SLIT2: variants seen among roughly 807,000 people sequenced by gnomAD.
The protein encoded by SLIT2 is slit guidance ligand 2.
Under a neutral mutation model 185.7 loss-of-function variants are expected in SLIT2, and 41 were observed. The ratio of observed to expected loss-of-function variants is 0.22; its 90% CI spans 0.17 to 0.29. The LOEUF (loss-of-function observed/expected upper bound fraction) is 0.29. Ranked by LOEUF, SLIT2 falls within the 10% of genes least tolerant of loss-of-function variation. SLIT2 has a pLI of 1.00. For synonymous variants in SLIT2, 693 were observed against 680.2 expected, an observed-to-expected ratio of 1.02 and a Z score of -0.29; for missense variants, 1,571 against 1,909.0, an observed-to-expected ratio of 0.82 and a Z score of 3.30.
chr4:20,328,727 G>A (rs760867286), intron 4 of SLIT2, among the ~76,000 whole-genome samples: 106 of 152,098 alleles, frequency 7.0e-4, no homozygotes, highest in Non-Finnish European at 7.5e-4. Flanking sequence ...AGTCAAATAA[G>A]GACTCCACAA....
intron 29 of SLIT2, among the ~76,000 whole-genome samples, chr4:20,579,150 A>G (rs543504315): frequency 1.3e-5 from 2 of 152,028 alleles, no homozygotes; most frequent in African/African-American, 4.8e-5. Flanking sequence ...AAAAAAAAAA[A>G]TCAGCTGGGC....
intron 9 of SLIT2, among the ~76,000 whole-genome samples, chr4:20,507,506 T>C (rs990451436): frequency 2.6e-5 from 4 of 151,898 alleles, no homozygotes; most frequent in Non-Finnish European, 1.5e-5. Flanking sequence ...AATACTTACA[T>C]TGGAGAAATT....
chr4:20,364,786 T>G (rs1050787097), intron 4 of SLIT2, among the ~76,000 whole-genome samples: 4 of 150,740 alleles, frequency 2.7e-5, no homozygotes, highest in African/African-American at 9.7e-5. Flanking sequence ...GGAGATAAAT[T>G]AAAGGCACTA....
At chr4:20,421,318 C>T (rs949943771) in intron 4 of SLIT2, among the ~76,000 whole-genome samples, 1 of 152,086 alleles carries the variant, frequency 6.6e-6, no homozygotes, top group African/African-American at 2.4e-5. Context: ...CTTAGAATTC[C>T]CAGGCTTGCC....
chr4:20,260,258 A>G (rs1712307376), intron 3 of SLIT2, among the ~76,000 whole-genome samples: 1 of 151,842 alleles, frequency 6.6e-6, no homozygotes, highest in African/African-American at 2.4e-5. Context: ...AAAAGCTGCA[A>G]GAGACAATGT....
chr4:20,578,018 C>A (rs558297033), intron 29 of SLIT2, among the ~76,000 whole-genome samples: 2 of 152,146 alleles, frequency 1.3e-5, no homozygotes, highest in Non-Finnish European at 2.9e-5. Flanking sequence ...CCATCTCATC[C>A]AGCCTGCAAG....
chr4:20,471,592 T>A (rs1715026630), intron 5 of SLIT2, among the ~76,000 whole-genome samples: 1 of 152,190 alleles, frequency 6.6e-6, no homozygotes. Flanking sequence ...TATAGCACTA[T>A]GTAAAAGCCC....
rs184668601 is a variant in SLIT2, at chr4:20,454,827, T to C, written c.396-12925T>C. Among the ~76,000 whole-genome samples, 21 of 152,294 alleles carry C rather than the reference T, an allele frequency of 1.4e-4. No homozygotes were observed. The East Asian group carries it at 1.9e-3, about 14-fold the overall frequency. On this transcript the variant is annotated intron_variant, in intron 4 of 36. Coordinates refer to ENST00000504154, the MANE Select transcript of SLIT2 (RefSeq NM_004787.4). ...GGGATACTCAACTGGAAACCATACG[T>C]CGTGGGCAATAAAATAGCAGCATTG... is the stretch of plus-strand genomic sequence containing the variant.
At chr4:20,388,515 T>G (rs1434915924) in intron 4 of SLIT2, among the ~76,000 whole-genome samples, 1 of 152,066 alleles carries the variant, frequency 6.6e-6, no homozygotes, top group Non-Finnish European at 1.5e-5. Context: ...GGCTCATGCC[T>G]GTAATCCCAG....
At position 20,594,028 on chromosome 4, in the gene SLIT2, A is replaced by G. The variant is rs116043733; in HGVS notation, c.3183-1669A>G. ...CACATACATATGTATGTGTGTATAT[A>G]TGTGTATATATGTACATATGTACAT... On this transcript the variant is annotated intron_variant, in intron 30 of 36. Coordinates refer to ENST00000504154, the MANE Select transcript of SLIT2 (RefSeq NM_004787.4). 7.7e-3 allele frequency among the ~76,000 whole-genome samples: 1,148 copies of G among 148,976 alleles called. 24 individuals carry two copies. Among genetic ancestry groups the G allele is most frequent in the Middle Eastern group, 0.021 (6 of 282 alleles).
intron 4 of SLIT2, among the ~76,000 whole-genome samples, chr4:20,273,398 CT>C (rs1298472684): frequency 6.6e-6 from 1 of 151,642 alleles, no homozygotes; most frequent in African/African-American, 2.4e-5. Flanking sequence ...ATTATGAAAA[CT>C]TTTTTTTAAT....
Position 20,472,293 on chromosome 4 carries a change from TAG to T in SLIT2, c.467+4472_467+4473del, listed in dbSNP as rs1491563584. Reference sequence around the variant, plus strand: ...ATATATATCTATATATATAGATATATAGATATATAGATCTATATATAGATATA... The same window carrying T: ...ATATATATCTATATATATAGATATATATATATAGATCTATATATAGATATA... On this transcript the variant is annotated intron_variant, in intron 5 of 36. Coordinates refer to ENST00000504154, the MANE Select transcript of SLIT2 (RefSeq NM_004787.4). Among the ~76,000 whole-genome samples, 106 of 24,234 alleles carry T rather than the reference TAG, an allele frequency of 4.4e-3. 5 individuals carry two copies. The highest frequency in any genetic ancestry group is 0.1 in the Middle Eastern group (2 of 20). The allele number at this position is 24,234 out of a possible 152,430, so 15.9% of individuals were successfully genotyped here.
At chr4:20,395,659 T>C (rs1287750143) in intron 4 of SLIT2, among the ~76,000 whole-genome samples, 1 of 151,984 alleles carries the variant, frequency 6.6e-6, no homozygotes, top group East Asian at 1.9e-4. Flanking sequence ...ATAAAATACA[T>C]TACCTTTATA....
chr4:20,431,989 ATCTCTCAC>A (rs1286479083), intron 4 of SLIT2, among the ~76,000 whole-genome samples: 1 of 146,342 alleles, frequency 6.8e-6, no homozygotes, highest in Non-Finnish European at 1.5e-5. Context: ...GTGTGTGTAA[ATCTCTCAC>A]TCTCTGTGTG....
chr4:20,586,921 C>T (rs1412638526), intron 29 of SLIT2, among the ~76,000 whole-genome samples: 3 of 151,978 alleles, frequency 2.0e-5, no homozygotes, highest in Admixed American at 6.6e-5. Flanking sequence ...ATATGAATGT[C>T]GGGTGGAAGA....
chr4:20,417,331 C>CCT (rs1435518648), intron 4 of SLIT2, among the ~76,000 whole-genome samples: 2 of 151,198 alleles, frequency 1.3e-5, no homozygotes, highest in Non-Finnish European at 2.9e-5. Context: ...CCCCTCTCTT[C>CCT]CTCTGTCAGT....
intron 4 of SLIT2, among the ~76,000 whole-genome samples, chr4:20,463,165 C>T (rs1713913299): frequency 6.6e-6 from 1 of 151,992 alleles, no homozygotes; most frequent in South Asian, 2.1e-4. Context: ...GATAATCTGG[C>T]CCTGAAGTCA....
intron 4 of SLIT2, among the ~76,000 whole-genome samples, chr4:20,463,543 GTGTA>G (rs1330897594): frequency 1.6e-4 from 23 of 143,222 alleles, no homozygotes; most frequent in African/African-American, 3.1e-4. Flanking sequence ...GTGTGTGTGT[GTGTA>G]TATGTATATC....
chr4:20,400,694 G>A (rs955307169), intron 4 of SLIT2, among the ~76,000 whole-genome samples: 2 of 151,642 alleles, frequency 1.3e-5, no homozygotes, highest in African/African-American at 4.8e-5. Flanking sequence ...AAAGAAAAGC[G>A]CTTAAGAGCA....
Sources: gnomAD v4.1 joint callset for allele counts (sites outside exome capture counted in the v4.1 genomes callset) on GRCh38, gnomAD v4.1.1 for gene constraint, MANE v1.5 for transcripts, NCBI Gene and HGNC (gene_info 2026-07-23, HGNC 2026-07-21) for gene names.